Variants in RESF1 observed in about 807,000 individuals in gnomAD.
The protein encoded by RESF1 is gonad expressed transcript.
RESF1 carries 65 observed loss-of-function variants against 134.7 expected under a neutral mutation model. The ratio of observed to expected loss-of-function variants is 0.48; its 90% confidence interval spans 0.40 to 0.59. RESF1 has a LOEUF of 0.59. Ranked by LOEUF, RESF1 falls within the 20% of genes least tolerant of loss-of-function variation. The pLI, the probability that RESF1 is intolerant of heterozygous loss-of-function variation, is 0.00. For missense variants in RESF1, 2,274 were observed against 2,002.7 expected, an observed-to-expected ratio of 1.14 and a Z score of -2.59; for synonymous variants, 762 against 702.2, an observed-to-expected ratio of 1.09 and a Z score of -1.35.
At chr12:31,977,375 C>T (rs1442560788) in intron 3 of RESF1, among the ~76,000 whole-genome samples, 1 of 152,050 alleles carries the variant, frequency 6.6e-6, no homozygotes, top group Non-Finnish European at 1.5e-5. Flanking sequence ...GAGACGGGGG[C>T]TTCACCATCC....
chr12:31,989,842 ACT>A (rs1354529420), intron 5 of RESF1, among the ~76,000 whole-genome samples: 4 of 151,656 alleles, frequency 2.6e-5, no homozygotes, highest in Admixed American at 6.6e-5. Flanking sequence ...ACAGAGCAAA[ACT>A]CTGTCTCAAA....
At chr12:31,962,220 T>TA (rs33954876) in intron 2 of RESF1, among the ~76,000 whole-genome samples, 17,895 of 132,586 alleles carry the variant, frequency 0.13, 1,163 homozygotes, top group African/African-American at 0.17. Flanking sequence ...TCTGTCTTTT[T>TA]AAAAAAAAAA....
rs776754202 is a variant in RESF1 at position 31,985,768 on chromosome 12, A to C, written c.4813A>C (p.Arg1605=). The C allele has an allele frequency of 1.9e-6, 3 of 1,573,520 alleles. No homozygotes were observed. Among genetic ancestry groups the C allele is most frequent in the Non-Finnish European group, 2.6e-6 (3 of 1,166,432 alleles). ...ISLTKLESSP[R]KLHKDKRQEN... ...TCTCACCAAATTAGAAAGTTCACCC[A>C]GGAAGCTTCATAAAGATAAGAGACA... Residue 1605 remains arginine (R), a synonymous_variant, in exon 4 of 6, where the codon AGG becomes CGG. Coordinates refer to ENST00000312561, the MANE Select transcript of RESF1 (RefSeq NM_018169.4).
intron 3 of RESF1, among the ~76,000 whole-genome samples, chr12:31,975,239 TGGG>T (rs1423779133): frequency 1.3e-5 from 2 of 152,006 alleles, no homozygotes; most frequent in Non-Finnish European, 2.9e-5. Context: ...CACTCCAGCC[TGGG>T]CGACAGAGCG....
intron 2 of RESF1, among the ~76,000 whole-genome samples, chr12:31,967,106 G>T (rs1488679959): frequency 2.6e-5 from 4 of 152,176 alleles, no homozygotes; most frequent in Non-Finnish European, 4.4e-5. Flanking sequence ...CCACCTTGGG[G>T]GGTATACTTG....
chr12:31,968,459 T>C (rs553568750), intron 2 of RESF1, among the ~76,000 whole-genome samples: 114 of 151,766 alleles, frequency 7.5e-4, no homozygotes, highest in Non-Finnish European at 4.4e-5. Context: ...TCTTTTTTTT[T>C]TTTTTTTGAG....
At chr12:31,973,652 A>G (rs1209003261) in intron 3 of RESF1, among the ~76,000 whole-genome samples, 2 of 150,734 alleles carry the variant, frequency 1.3e-5, no homozygotes, top group East Asian at 3.9e-4. Context: ...GTTTTCTTCT[A>G]TGCCAGTGAA....
chr12:31,970,747 C>G (rs2120792079), intron 3 of RESF1, among the ~76,000 whole-genome samples: 1 of 152,320 alleles, frequency 6.6e-6, no homozygotes, highest in Middle Eastern at 3.4e-3. Flanking sequence ...TTTATTGATG[C>G]AAGTTTTCTT....
At position 31,987,254 on chromosome 12, in the gene RESF1, G is replaced by A. The variant is rs1939994508; in HGVS notation, c.5018G>A (p.Ser1673Asn). ...QAPLQVSGIK[S>N]TKEDWLKFVA... ...ATTTAAATAGTTTCAGGAATAAAAA[G>A]TACAAAAGAAGACTGGTTAAAATTT... The change falls in exon 5 of 6, where the codon AGT becomes AAT. Residue 1673 changes from serine (S) to asparagine (N), a missense_variant. Coordinates refer to ENST00000312561, the MANE Select transcript of RESF1 (RefSeq NM_018169.4). 6.3e-7 allele frequency: 1 copy of A among 1,576,700 alleles called. No individual in the cohort carries two copies. The highest frequency in any genetic ancestry group is 1.4e-5 in the African/African-American group (1 of 74,058).
chr12:31,990,623 CAG>C (rs1565489974), intron 5 of RESF1, among the ~76,000 whole-genome samples: 1 of 151,984 alleles, frequency 6.6e-6, no homozygotes, highest in Non-Finnish European at 1.5e-5. Flanking sequence ...GTATTTTTAG[CAG>C]AGACAGAGTT....
intron 3 of RESF1, among the ~76,000 whole-genome samples, chr12:31,974,397 G>A (rs145147906): frequency 1.6e-4 from 24 of 152,014 alleles, no homozygotes; most frequent in African/African-American, 5.5e-4. Context: ...CCACAGACTG[G>A]GTGGAGAAAT....
At chr12:31,977,865 G>T (rs1939673651) in intron 3 of RESF1, among the ~76,000 whole-genome samples, 1 of 146,942 alleles carries the variant, frequency 6.8e-6, no homozygotes, top group South Asian at 2.2e-4. Flanking sequence ...AGTGCAAATG[G>T]TGCAATCTCA....
intron 3 of RESF1, among the ~76,000 whole-genome samples, chr12:31,974,458 T>A (rs139024867): frequency 6.6e-6 from 1 of 152,136 alleles, no homozygotes; most frequent in Non-Finnish European, 1.5e-5. Flanking sequence ...TATGTTTGAT[T>A]TCTGTTCTCT....
rs758081950 is a variant in RESF1, at chr12:31,985,549, A to G, written c.4594A>G (p.Ile1532Val). 8 of 1,598,230 alleles carry G rather than the reference A, an allele frequency of 5.0e-6. No individual in the cohort carries two copies. The highest frequency in any genetic ancestry group is 4.6e-5 in the South Asian group (4 of 87,722). The change falls in exon 4 of 6, where the codon ATT becomes GTT. Residue 1532 changes from isoleucine (I) to valine (V), a missense_variant. Ile to Val is a conservative substitution (Grantham distance 29, BLOSUM62 3). Transcript: ENST00000312561. Reference sequence around the variant, plus strand: ...TTCTCAGGAGTCTAAAACATACAACATTCTAAGGAATGTTAAAGAAAAAGT... The same window carrying G: ...TTCTCAGGAGTCTAAAACATACAACGTTCTAAGGAATGTTAAAGAAAAAGT... ...HHSQESKTYN[I>V]LRNVKEKVGG...
chr12:31,972,866 A>G (rs2120801886), intron 3 of RESF1, among the ~76,000 whole-genome samples: 1 of 152,210 alleles, frequency 6.6e-6, no homozygotes, highest in South Asian at 2.1e-4. Context: ...AATTACATTT[A>G]CCTCTAATGT....
Position 31,981,413 on chromosome 12 carries a change from A to G in RESF1, c.458A>G (p.Gln153Arg), listed in dbSNP as rs753453393. ...AACGTACCCAATATGCCGGCACTAC[A>G]GAGTCAACTGATAACATCAGATACC... ...GANVPNMPALQSQLITSDTYS... is the reference protein window; with the variant it reads ...GANVPNMPALRSQLITSDTYS... Residue 153 changes from glutamine (Q) to arginine (R), a missense_variant, in exon 4 of 6, where the codon CAG becomes CGG. Gln to Arg is a conservative substitution (Grantham distance 43). Transcript: ENST00000312561. 2.8e-5 allele frequency: 45 copies of G among 1,614,058 alleles called. No individual in the cohort carries two copies. The South Asian group carries it at 3.6e-4, about 13-fold the overall frequency.
intron 3 of RESF1, among the ~76,000 whole-genome samples, chr12:31,977,799 TTC>T (rs1175493371): frequency 7.8e-6 from 1 of 128,404 alleles, no homozygotes; most frequent in Non-Finnish European, 1.6e-5. Flanking sequence ...TTTTCTTTCT[TTC>T]TTTTTTTTTT....
In RESF1 at chr12:31,985,673, A is replaced by C. The variant is rs1182617171; in HGVS notation, c.4718A>C (p.Gln1573Pro). ...GCTCAATTCAGCCAAATGCCTCCCC[A>C]AGTAAAGGATCAAAAGAAATTATAT... The part of the protein sequence containing the change: ...NEAQFSQMPP[Q>P]VKDQKKLYLN... Residue 1573 changes from glutamine (Q) to proline (P), a missense_variant, in exon 4 of 6, where the codon CAA becomes CCA. Gln to Pro is a moderately conservative substitution (Grantham distance 76). Coordinates refer to ENST00000312561, the MANE Select transcript of RESF1 (RefSeq NM_018169.4). The C allele has an allele frequency of 9.3e-6, 15 of 1,612,890 alleles. No homozygotes were observed. Among genetic ancestry groups the C allele is most frequent in the African/African-American group, 1.3e-5 (1 of 74,816 alleles).
Position 31,981,796 on chromosome 12 carries a change from CCTT to C in RESF1, c.842_844del (p.Pro281_Tyr282delinsHis), listed in dbSNP as rs755620830. The C allele has an allele frequency of 1.9e-6, 3 of 1,613,696 alleles. No homozygotes were observed. The highest frequency in any genetic ancestry group is 1.3e-5 in the African/African-American group (1 of 75,054). ...AACTGACAAAAGACCTCCTCCTCCTCCTTACAACTGTAGATATGGAAGCCAGCC... is the reference window on the plus strand; with the variant it reads ...AACTGACAAAAGACCTCCTCCTCCTCACAACTGTAGATATGGAAGCCAGCC... On this transcript the variant is annotated inframe_deletion, in exon 4 of 6. Coordinates refer to ENST00000312561, the MANE Select transcript of RESF1 (RefSeq NM_018169.4).
Sources: gnomAD v4.1 joint callset for allele counts (sites outside exome capture counted in the v4.1 genomes callset) on GRCh38, gnomAD v4.1.1 for gene constraint, MANE v1.5 for transcripts, NCBI Gene and HGNC (gene_info 2026-07-23, HGNC 2026-07-21) for gene names.